Variants in CCDC93 observed in about 807,000 individuals in gnomAD.
The protein encoded by CCDC93 is coiled-coil domain-containing protein 93.
Under a neutral mutation model 108.2 loss-of-function variants are expected in CCDC93, and 61 were observed. That is an observed-to-expected ratio of 0.56 (90% CI 0.46 to 0.70). CCDC93 has a LOEUF of 0.70. CCDC93 is among the 30% of genes least tolerant of loss of function. The pLI is 0.00. For missense variants in CCDC93, 685 were observed against 764.2 expected (o/e 0.90, Z 1.22); for synonymous variants, 276 against 260.4 (o/e 1.06, Z -0.58).
chr2:117,940,121 C>G (rs918524485), intron 19 of CCDC93, among the ~76,000 whole-genome samples: 2 of 152,112 alleles, frequency 1.3e-5, no homozygotes, highest in Admixed American at 1.3e-4. Context: ...ATTACTAAGA[C>G]ACAGAATTGG....
intron 19 of CCDC93, among the ~76,000 whole-genome samples, chr2:117,939,950 G>A (rs909950214): frequency 3.9e-5 from 6 of 152,174 alleles, no homozygotes; most frequent in Admixed American, 3.9e-4. Context: ...ACTTAGTATT[G>A]TGTATTTAGG....
rs758036960 is a variant in CCDC93 at position 117,936,693 on chromosome 2, A to G, written c.1643+9T>C. 2.5e-6 allele frequency: 4 copies of G among 1,610,366 alleles called. No homozygotes were observed. The highest frequency in any genetic ancestry group is 3.4e-6 in the Non-Finnish European group (4 of 1,176,502). On this transcript the variant is annotated intron_variant, in intron 21 of 23. Transcript: ENST00000376300. ...GGTATTAGTGGGAAGGAGGACTGAC[A>G]GTACTTACTGTGAGAAGTTCTCATG...
At chr2:117,979,410 T>C (rs1680042724) in intron 7 of CCDC93, among the ~76,000 whole-genome samples, 1 of 152,142 alleles carries the variant, frequency 6.6e-6, no homozygotes, top group African/African-American at 2.4e-5. Context: ...GCATCCCCCA[T>C]GCACATGTGC....
chr2:117,923,950 GCAA>G (rs1049268852), intron 23 of CCDC93, among the ~76,000 whole-genome samples: 3 of 152,126 alleles, frequency 2.0e-5, no homozygotes, highest in African/African-American at 4.8e-5. Context: ...GAATGATCAG[GCAA>G]CAACATTTGC....
chr2:117,940,443 A>C (rs1678661164), intron 19 of CCDC93, among the ~76,000 whole-genome samples: 1 of 152,198 alleles, frequency 6.6e-6, no homozygotes, highest in Non-Finnish European at 1.5e-5. Flanking sequence ...TGGACTGGCA[A>C]GGCCAGAGTG....
chr2:117,921,997 GAA>G (rs911252101), intron 23 of CCDC93, among the ~76,000 whole-genome samples: 1 of 151,646 alleles, frequency 6.6e-6, no homozygotes, highest in Non-Finnish European at 1.5e-5. Context: ...TACTTGGGGG[GAA>G]AAAAGACTCC....
At chr2:117,967,997 A>AG (rs1491243174) in intron 11 of CCDC93, among the ~76,000 whole-genome samples, 2 of 152,358 alleles carry the variant, frequency 1.3e-5, no homozygotes, top group East Asian at 3.9e-4. Flanking sequence ...AGAGGCACTC[A>AG]GGGTAGATTC....
At chr2:117,939,272 T>C (rs1678621964) in intron 19 of CCDC93, among the ~76,000 whole-genome samples, 161 bp from the exon 20 acceptor site, 1 of 152,176 alleles carries the variant, frequency 6.6e-6, no homozygotes, top group South Asian at 2.1e-4. Flanking sequence ...TGGGAAGCTT[T>C]TAACAAGTCT....
intron 11 of CCDC93, among the ~76,000 whole-genome samples, chr2:117,966,768 T>C (rs1446881175): frequency 1.3e-5 from 2 of 152,238 alleles, no homozygotes; most frequent in Non-Finnish European, 2.9e-5. Context: ...TGGAAAGATA[T>C]GACTTCAAGA....
chr2:117,956,660 G>A (rs866973164), intron 12 of CCDC93, among the ~76,000 whole-genome samples: 6 of 152,154 alleles, frequency 3.9e-5, no homozygotes, highest in East Asian at 1.9e-4. Flanking sequence ...TCATTAAAAT[G>A]TCTAAACAAA....
chr2:117,945,655 G>T, intron 16 of CCDC93, 73 bp from the exon 17 acceptor site: 3 of 1,310,240 alleles, frequency 2.3e-6, no homozygotes, highest in Non-Finnish European at 3.3e-6. Context: ...GGATCTAGAT[G>T]TAGGAAGGGG....
At chr2:117,975,974 T>G (rs977827013) in intron 8 of CCDC93, among the ~76,000 whole-genome samples, 1 of 152,172 alleles carries the variant, frequency 6.6e-6, no homozygotes, top group Non-Finnish European at 1.5e-5. Context: ...AATCATGGGC[T>G]ATAGGTTTTA....
chr2:117,992,583 G>A (rs1375341640), intron 6 of CCDC93, among the ~76,000 whole-genome samples: 2 of 151,956 alleles, frequency 1.3e-5, no homozygotes, highest in Non-Finnish European at 2.9e-5. Context: ...CATCAGCTGC[G>A]AACACCATTT....
chr2:117,969,198 C>T (rs1396349247), intron 11 of CCDC93, among the ~76,000 whole-genome samples: 4 of 152,210 alleles, frequency 2.6e-5, no homozygotes. Flanking sequence ...GAGATGCCCT[C>T]CCTTGCTAGC....
intron 1 of CCDC93, among the ~76,000 whole-genome samples, chr2:118,010,882 A>G (rs1363733402): frequency 6.6e-6 from 1 of 152,204 alleles, no homozygotes; most frequent in Non-Finnish European, 1.5e-5. Flanking sequence ...TCACAAGTCT[A>G]TCCTGAAATG....
At chr2:117,984,563 T>C (rs187455445) in intron 7 of CCDC93, among the ~76,000 whole-genome samples, 17 of 152,340 alleles carry the variant, frequency 1.1e-4, no homozygotes, top group Admixed American at 5.9e-4. Context: ...TCTAGAATTC[T>C]GTCAACATGG....
intron 20 of CCDC93, among the ~76,000 whole-genome samples, chr2:117,937,104 T>A (rs531649144): frequency 6.6e-6 from 1 of 152,224 alleles, no homozygotes; most frequent in Non-Finnish European, 1.5e-5. Flanking sequence ...CACTGCACTT[T>A]ATTTTCAAGG....
intron 3 of CCDC93, among the ~76,000 whole-genome samples, chr2:118,005,658 G>A (rs554988216): frequency 6.6e-6 from 1 of 151,656 alleles, no homozygotes; most frequent in East Asian, 2.0e-4. Flanking sequence ...ACAGGAAGCT[G>A]AGGTAAGAGG....
At chr2:117,953,576 T>C (rs1679126685) in intron 12 of CCDC93, among the ~76,000 whole-genome samples, 1 of 152,080 alleles carries the variant, frequency 6.6e-6, no homozygotes, top group Admixed American at 6.6e-5. Flanking sequence ...GCCCCAAATT[T>C]GTATCTTAGA....
Sources: gnomAD v4.1 joint callset for allele counts (sites outside exome capture counted in the v4.1 genomes callset) on GRCh38, gnomAD v4.1.1 for gene constraint, MANE v1.5 for transcripts, NCBI Gene and HGNC (gene_info 2026-07-23, HGNC 2026-07-21) for gene names.